Variants in HECW1 observed in about 807,000 individuals in gnomAD.
HECW1 encodes HECT, C2 and WW domain containing E3 ubiquitin protein ligase 1.
Under a neutral mutation model 182.3 loss-of-function variants are expected in HECW1, and 61 were observed. That is an observed-to-expected ratio of 0.33 (90% CI 0.27 to 0.41). The LOEUF (loss-of-function observed/expected upper bound fraction) is 0.41, where lower values mean the gene tolerates loss of function less well. Among genes scored for constraint, HECW1 ranks in the 10% least tolerant of loss-of-function variants. The pLI is 1.00. For missense variants in HECW1, 1,739 were observed against 2,108.9 expected (o/e 0.82, Z 3.44); for synonymous variants, 859 against 832.6 (o/e 1.03, Z -0.55).
Position 43,565,337 on chromosome 7 carries a change from C to A in HECW1, c.*3411C>A. ...ATCTAAATTTTCTTTTAATACATGACCATATGTCCTTGAACAGTAAGTATA... is the reference window on the plus strand; with the variant it reads ...ATCTAAATTTTCTTTTAATACATGAACATATGTCCTTGAACAGTAAGTATA... On this transcript the variant is annotated 3_prime_UTR_variant, in exon 30 of 30. Transcript: ENST00000395891. 1 of 207,012 alleles carries A rather than the reference C, an allele frequency of 4.8e-6. No individual in the cohort carries two copies. The highest frequency in any genetic ancestry group is 9.9e-6 in the Non-Finnish European group (1 of 101,518). 12.8% of individuals were successfully genotyped at this position (207,012 alleles called of 1,614,324 possible). A position where few individuals can be genotyped will look rare whatever the true frequency, so the allele number is the denominator to read the frequency against.
rs1288954723 is a variant in HECW1 at position 43,136,596 on chromosome 7, G to A, written c.-32+22205G>A. Reference sequence around the variant, plus strand: ...GAATGACAACCCATTTTCTGGCAGTGTATGGCTGTGGCCTCAGCCTCATAT... The same window carrying A: ...GAATGACAACCCATTTTCTGGCAGTATATGGCTGTGGCCTCAGCCTCATAT... On this transcript the variant is annotated intron_variant, in intron 2 of 29. Coordinates refer to ENST00000395891, the MANE Select transcript of HECW1 (RefSeq NM_015052.5). Among the ~76,000 whole-genome samples, 3 of 152,218 alleles carry A rather than the reference G, an allele frequency of 2.0e-5. No individual in the cohort carries two copies. In the East Asian group the frequency reaches 5.8e-4, roughly 29 times the overall value.
At chr7:43,247,917 A>G (rs1220085586) in intron 3 of HECW1, among the ~76,000 whole-genome samples, 13 of 123,626 alleles carry the variant, frequency 1.1e-4, no homozygotes, top group African/African-American at 2.8e-4. Context: ...AGGAGGGAGG[A>G]AGGGAAAGAG....
chr7:43,141,489 G>T (rs2152633052), intron 2 of HECW1, among the ~76,000 whole-genome samples: 1 of 152,174 alleles, frequency 6.6e-6, no homozygotes, highest in Non-Finnish European at 1.5e-5. Context: ...ACATATTTTT[G>T]TTTGAGATTT....
chr7:43,293,747 A>G (rs1805695401), intron 3 of HECW1, among the ~76,000 whole-genome samples: 1 of 152,252 alleles, frequency 6.6e-6, no homozygotes, highest in East Asian at 1.9e-4. Flanking sequence ...AGTGCATTAT[A>G]TAACCTTTAA....
At chr7:43,310,907 A>G (rs1808419171) in intron 3 of HECW1, among the ~76,000 whole-genome samples, 1 of 152,102 alleles carries the variant, frequency 6.6e-6, no homozygotes. Flanking sequence ...TTTAAACGCA[A>G]TTTTAATATA....
intron 3 of HECW1, among the ~76,000 whole-genome samples, chr7:43,306,378 ATT>A (rs58260043): frequency 0.05 from 7,289 of 146,382 alleles, 204 homozygotes; most frequent in Middle Eastern, 0.083. Context: ...ATAAGCTTTG[ATT>A]TTTTTTTTTT....
At chr7:43,452,033 A>G (rs2077253365) in intron 12 of HECW1, among the ~76,000 whole-genome samples, 1 of 152,218 alleles carries the variant, frequency 6.6e-6, no homozygotes, top group African/African-American at 2.4e-5. Flanking sequence ...AAATCAAAGA[A>G]CATCTTTTAT....
chr7:43,444,897 C>T lies in HECW1; in HGVS notation c.1725C>T (p.Gly575=), dbSNP rs771700017. The T allele has an allele frequency of 3.1e-6, 5 of 1,602,370 alleles. No homozygotes were observed. Among genetic ancestry groups the T allele is most frequent in the Non-Finnish European group, 4.3e-6 (5 of 1,173,204 alleles). Residue 575 remains glycine (G), a synonymous_variant, in exon 11 of 30, where the codon GGC becomes GGT. Coordinates refer to ENST00000395891, the MANE Select transcript of HECW1 (RefSeq NM_015052.5). This position sits in a 1 kb window ranked among gnomAD's most constrained non-coding sequence, Gnocchi z 4.3. ...TLLHSMPSAQ[G]GSAAEEEDGA... Reference sequence around the variant, plus strand: ...TGCACAGCATGCCCTCCGCCCAGGGCGGCAGCGCGGCAGAGGAGGAGGACG... The same window carrying T: ...TGCACAGCATGCCCTCCGCCCAGGGTGGCAGCGCGGCAGAGGAGGAGGACG...
At chr7:43,538,663 C>G (rs1353866543) in intron 24 of HECW1, among the ~76,000 whole-genome samples, 2 of 152,260 alleles carry the variant, frequency 1.3e-5, no homozygotes, top group South Asian at 2.1e-4. Flanking sequence ...TTGCCTGGGG[C>G]TAATTATTGA....
chr7:43,358,684 C>T (rs953762472), intron 5 of HECW1, among the ~76,000 whole-genome samples: 2 of 152,090 alleles, frequency 1.3e-5, no homozygotes, highest in African/African-American at 4.8e-5. Context: ...TATTTTAAGC[C>T]TATTTTTAAG....
intron 3 of HECW1, among the ~76,000 whole-genome samples, chr7:43,264,648 A>G (rs1801553406): frequency 2.6e-5 from 4 of 152,078 alleles, no homozygotes; most frequent in Admixed American, 2.6e-4. Flanking sequence ...GACCAAGACC[A>G]TCCTGGCTAA....
intron 2 of HECW1, among the ~76,000 whole-genome samples, chr7:43,222,154 G>T (rs536988033): frequency 6.6e-6 from 1 of 152,182 alleles, no homozygotes; most frequent in Non-Finnish European, 1.5e-5. Flanking sequence ...AATTTCTGGG[G>T]TTGGAACCCA....
At chr7:43,519,847 T>C (rs544423246) in intron 24 of HECW1, among the ~76,000 whole-genome samples, 56 of 152,280 alleles carry the variant, frequency 3.7e-4, no homozygotes, top group African/African-American at 1.2e-3. Flanking sequence ...CCTGTGTGTA[T>C]GTAGCTAGAG....
chr7:43,241,430 C>G (rs1276388674), intron 2 of HECW1: 1 of 152,142 alleles, frequency 6.6e-6, no homozygotes, highest in Admixed American at 6.5e-5. Flanking sequence ...CACTTCTGCT[C>G]TCATTCTTTT....
At chr7:43,437,559 T>C (rs1584905251) in intron 8 of HECW1, among the ~76,000 whole-genome samples, 2 of 152,238 alleles carry the variant, frequency 1.3e-5, no homozygotes, top group Non-Finnish European at 2.9e-5. Flanking sequence ...GTGAGAATTC[T>C]TGTCTCTTCC....
intron 5 of HECW1, among the ~76,000 whole-genome samples, chr7:43,347,976 T>C (rs1813899396): frequency 6.6e-6 from 1 of 152,152 alleles, no homozygotes; most frequent in East Asian, 1.9e-4. Flanking sequence ...CGGTATGTAG[T>C]TTTCTTTTTT....
intron 7 of HECW1, among the ~76,000 whole-genome samples, chr7:43,405,009 C>A (rs1187335408): frequency 6.6e-6 from 1 of 152,122 alleles, no homozygotes; most frequent in Admixed American, 6.6e-5. Context: ...AAAGCACAGA[C>A]TTTGAAATCA....
At chr7:43,332,943 G>T (rs1811681913) in intron 5 of HECW1, among the ~76,000 whole-genome samples, 1 of 152,156 alleles carries the variant, frequency 6.6e-6, no homozygotes. Context: ...CGGTCCCATA[G>T]TCACAGGTAA....
chr7:43,215,222 C>A (rs1235722796), intron 2 of HECW1, among the ~76,000 whole-genome samples: 4 of 152,252 alleles, frequency 2.6e-5, no homozygotes, highest in South Asian at 4.1e-4. Flanking sequence ...GCCCTTGGGA[C>A]TCCTGGAGAG....
Sources: allele counts gnomAD v4.1 joint callset (sites outside exome capture counted in the v4.1 genomes callset), GRCh38; gene constraint gnomAD v4.1.1; non-coding constraint Gnocchi (gnomAD v3.1); transcripts MANE v1.5; gene names NCBI Gene and HGNC (gene_info 2026-07-23, HGNC 2026-07-21).